NRG3: variants seen among roughly 807,000 people sequenced by gnomAD.
NRG3 encodes pro-neuregulin-3, membrane-bound isoform.
Under a neutral mutation model 66.9 loss-of-function variants are expected in NRG3, and 31 were observed. That is an observed-to-expected ratio of 0.46 (90% CI 0.35 to 0.63). The LOEUF is 0.63. NRG3 is among the 20% of genes least tolerant of loss of function. The pLI is 0.00. For synonymous variants in NRG3, 393 were observed against 359.4 expected (o/e 1.09, Z -1.06); for missense variants, 910 against 878.9 (o/e 1.04, Z -0.45).
intron 1 of NRG3, among the ~76,000 whole-genome samples, chr10:82,119,158 A>G (rs1238796909): frequency 6.6e-6 from 1 of 152,208 alleles, no homozygotes; most frequent in African/African-American, 2.4e-5. Context: ...TGGTGAGAAC[A>G]TTTAAAATTA....
intron 4 of NRG3, among the ~76,000 whole-genome samples, chr10:82,944,187 T>A (rs1476281954): frequency 3.9e-5 from 6 of 152,292 alleles, no homozygotes; most frequent in African/African-American, 1.4e-4. Flanking sequence ...CTCAGAACCT[T>A]TTTTTATTTT....
intron 2 of NRG3, among the ~76,000 whole-genome samples, chr10:82,432,799 T>G (rs190138898): frequency 3.9e-5 from 6 of 152,322 alleles, no homozygotes; most frequent in African/African-American, 1.4e-4. Context: ...ATAATCTCAT[T>G]CCTTTTTATG....
intron 1 of NRG3, among the ~76,000 whole-genome samples, chr10:82,274,327 G>T (rs946103441): frequency 6.6e-6 from 1 of 152,050 alleles, no homozygotes; most frequent in East Asian, 1.9e-4. Flanking sequence ...TTCAAGACTG[G>T]CTGGAAGATT....
intron 1 of NRG3, among the ~76,000 whole-genome samples, chr10:81,989,798 T>A (rs1485122323): frequency 6.6e-6 from 1 of 152,076 alleles, no homozygotes. Context: ...AACAAGTTAT[T>A]GATGGCCTTG....
chr10:82,328,080 T>TG (rs1379719073), intron 1 of NRG3, among the ~76,000 whole-genome samples: 2 of 152,164 alleles, frequency 1.3e-5, no homozygotes, highest in Non-Finnish European at 2.9e-5. Context: ...TGGCAAGGGT[T>TG]GTGGGGGGGC....
At chr10:82,394,527 G>A (rs913606767) in intron 2 of NRG3, among the ~76,000 whole-genome samples, 8 of 152,140 alleles carry the variant, frequency 5.3e-5, no homozygotes, top group African/African-American at 1.9e-4. Context: ...CTTCTTTGCT[G>A]TGGTTCCTCA....
chr10:82,979,829 C>G (rs938745619), intron 8 of NRG3, among the ~76,000 whole-genome samples: 4 of 152,158 alleles, frequency 2.6e-5, no homozygotes, highest in African/African-American at 9.7e-5. Context: ...GACTGGAATT[C>G]AAATCCCATC....
chr10:82,135,203 C>T (rs542421928), intron 1 of NRG3, among the ~76,000 whole-genome samples: 2 of 151,282 alleles, frequency 1.3e-5, no homozygotes, highest in East Asian at 3.9e-4. Context: ...GAGAATTCTG[C>T]TGCCACATAT....
At chr10:82,463,729 C>A (rs1347407517) in intron 2 of NRG3, among the ~76,000 whole-genome samples, 1 of 152,156 alleles carries the variant, frequency 6.6e-6, no homozygotes, top group African/African-American at 2.4e-5. Flanking sequence ...AGAACCAACC[C>A]CTCAACTGCC....
At chr10:82,984,744 A>G in intron 8 of NRG3, 1 of 1,550,268 alleles carries the variant, frequency 6.5e-7, no homozygotes, top group East Asian at 2.4e-5. Flanking sequence ...TGGAAAGGCC[A>G]CACTTACCTG....
In NRG3 at chr10:82,896,910, C is replaced by T. The variant is rs575544090; in HGVS notation, c.1054+31473C>T. ...TGTTTTCATCACTAAACCCCATACT[C>T]ATGATTAGCAGGAGTCATTTGTCAG... On this transcript the variant is annotated intron_variant, in intron 4 of 8. Coordinates refer to ENST00000372141, the MANE Select transcript of NRG3 (RefSeq NM_001010848.4). 2.1e-4 allele frequency among the ~76,000 whole-genome samples: 32 copies of T among 152,336 alleles called. No homozygotes were observed. In the South Asian group the frequency reaches 6.6e-3, roughly 32 times the overall value.
intron 2 of NRG3, among the ~76,000 whole-genome samples, chr10:82,427,543 A>T (rs1044135922): frequency 6.6e-6 from 1 of 152,152 alleles, no homozygotes; most frequent in South Asian, 2.1e-4. Context: ...AAAAATGTTT[A>T]TGTTGTACAA....
chr10:82,303,983 G>T (rs188527881), intron 1 of NRG3, among the ~76,000 whole-genome samples: 22 of 152,198 alleles, frequency 1.4e-4, no homozygotes, highest in Admixed American at 1.4e-3. Flanking sequence ...TAACATGAAT[G>T]ACATTGTCAT....
intron 4 of NRG3, among the ~76,000 whole-genome samples, chr10:82,887,476 T>C (rs1335711337): frequency 1.3e-5 from 2 of 152,238 alleles, no homozygotes; most frequent in African/African-American, 4.8e-5. Flanking sequence ...GCATTTATAA[T>C]TGAGTTTCAA....
At position 82,865,415 on chromosome 10, in the gene NRG3, C is replaced by T; in HGVS notation, c.1032C>T (p.Asp344=). 6.2e-7 allele frequency: 1 copy of T among 1,612,872 alleles called. No homozygotes were observed. The highest frequency in any genetic ancestry group is 8.5e-7 in the Non-Finnish European group (1 of 1,179,312). The change falls in exon 4 of 9, where the codon GAC becomes GAT. Residue 344 remains aspartate, a synonymous_variant. Coordinates refer to ENST00000372141, the MANE Select transcript of NRG3 (RefSeq NM_001010848.4). ...KTDSILSDPT[D]HLGIEFMESE... is the part of the protein sequence containing the mutation. ...TCCATGCTGACTTTGGTGTAGCAGA[C>T]CACTTGGGGATTGAATTCATGGGTA...
intron 2 of NRG3, among the ~76,000 whole-genome samples, chr10:82,562,969 T>G (rs527526306): frequency 1.3e-5 from 2 of 152,184 alleles, no homozygotes; most frequent in African/African-American, 4.8e-5. Flanking sequence ...ATTTCAGCCT[T>G]CTGATATTTG....
At chr10:82,048,848 G>A (rs11192301) in intron 1 of NRG3, among the ~76,000 whole-genome samples, 37,248 of 150,064 alleles carry the variant, frequency 0.25, 4,713 homozygotes, top group Middle Eastern at 0.33. Flanking sequence ...TTGATAGACC[G>A]CTAGCAAGAC....
intron 1 of NRG3, among the ~76,000 whole-genome samples, chr10:82,060,906 G>A (rs2064108911): frequency 6.6e-6 from 1 of 152,182 alleles, no homozygotes; most frequent in African/African-American, 2.4e-5. Context: ...ATGCCAGTTC[G>A]GGTGACACTT....
At position 82,195,474 on chromosome 10, in the gene NRG3, T is replaced by C. The variant is rs1479174313; in HGVS notation, c.824-163265T>C. ...CCAACTCCACAGCCCAGGGATGAAC[T>C]TTGTTGTGGTGTCTGATAGGAAAGT... On this transcript the variant is annotated intron_variant, in intron 1 of 8. Transcript: ENST00000372141. Among the ~76,000 whole-genome samples the C allele has an allele frequency of 1.3e-5, 2 of 152,130 alleles. 1 individual carries two copies. Among genetic ancestry groups the C allele is most frequent in the East Asian group, 3.9e-4 (2 of 5,194 alleles).
Sources: gnomAD v4.1 joint callset for allele counts (sites outside exome capture counted in the v4.1 genomes callset) on GRCh38, gnomAD v4.1.1 for gene constraint, MANE v1.5 for transcripts, NCBI Gene and HGNC (gene_info 2026-07-23, HGNC 2026-07-21) for gene names.